ZFHX3: variants seen among roughly 807,000 people sequenced by gnomAD.
ZFHX3 encodes the protein zinc finger homeobox 3, also known as zinc finger homeobox protein 3.
ZFHX3 carries 42 observed loss-of-function variants against 279.1 expected under a neutral mutation model. The ratio of observed to expected loss-of-function variants is 0.15; its 90% CI spans 0.12 to 0.19. The LOEUF (loss-of-function observed/expected upper bound fraction) is 0.19. Among genes scored for constraint, ZFHX3 ranks in the 10% least tolerant of loss-of-function variants. ZFHX3 has a pLI of 1.00. For synonymous variants in ZFHX3, 2,293 were observed against 1,957.8 expected, an observed-to-expected ratio of 1.17 and a Z score of -4.52; for missense variants, 4,981 against 4,754.0, an observed-to-expected ratio of 1.05 and a Z score of -1.40.
At chr16:73,308,738 T>G (rs184993149) in intron 4 of ZFHX3, among the ~76,000 whole-genome samples, 1 of 152,190 alleles carries the variant, frequency 6.6e-6, no homozygotes, top group Admixed American at 6.5e-5. Flanking sequence ...GAACCATTTT[T>G]GAGAAGACAT....
chr16:73,547,619 G>C (rs1428653084), intron 2 of ZFHX3, among the ~76,000 whole-genome samples: 2 of 152,098 alleles, frequency 1.3e-5, no homozygotes, highest in African/African-American at 4.8e-5. Context: ...ATGGTGAGTA[G>C]GGCTTGATTT....
At chr16:72,906,810 C>A (rs139760489) in intron 3 of ZFHX3, among the ~76,000 whole-genome samples, 1 of 151,992 alleles carries the variant, frequency 6.6e-6, no homozygotes, top group Non-Finnish European at 1.5e-5. Flanking sequence ...CCCCTTCCCC[C>A]CCTCAAAAAA....
chr16:73,296,388 G>A (rs1376280679), intron 4 of ZFHX3, among the ~76,000 whole-genome samples: 1 of 152,174 alleles, frequency 6.6e-6, no homozygotes, highest in African/African-American at 2.4e-5. Flanking sequence ...TACCCTTGAT[G>A]TGGGGAATGA....
chr16:73,132,361 TG>T (rs1355897926), intron 6 of ZFHX3, among the ~76,000 whole-genome samples: 1 of 152,186 alleles, frequency 6.6e-6, no homozygotes, highest in Non-Finnish European at 1.5e-5. Context: ...TGTGCCTCCC[TG>T]GAGAAAACTT....
At chr16:73,793,689 T>C (rs1284901769) in intron 1 of ZFHX3, among the ~76,000 whole-genome samples, 1 of 152,212 alleles carries the variant, frequency 6.6e-6, no homozygotes, top group Non-Finnish European at 1.5e-5. Context: ...ATACAGCATC[T>C]ATTTTTTTTT....
intron 1 of ZFHX3, among the ~76,000 whole-genome samples, chr16:73,707,745 A>G (rs2053318953): frequency 9.6e-6 from 1 of 103,734 alleles, no homozygotes; most frequent in Non-Finnish European, 2.5e-5. Flanking sequence ...TATAATAATA[A>G]TAAAATTTAA....
intron 2 of ZFHX3, among the ~76,000 whole-genome samples, chr16:73,617,222 G>T (rs1281320272): frequency 6.6e-6 from 1 of 152,134 alleles, no homozygotes; most frequent in Non-Finnish European, 1.5e-5. Context: ...TTGATATGAC[G>T]GGCTGCTTAT....
chr16:73,111,323 T>C (rs1163780401), intron 7 of ZFHX3, among the ~76,000 whole-genome samples: 3 of 152,166 alleles, frequency 2.0e-5, no homozygotes, highest in African/African-American at 4.8e-5. Flanking sequence ...GCTAGTGAAA[T>C]TAAAAATAAA....
chr16:73,162,225 C>T (rs572377073), intron 5 of ZFHX3, among the ~76,000 whole-genome samples: 9 of 152,294 alleles, frequency 5.9e-5, no homozygotes, highest in South Asian at 2.1e-4. Context: ...CTTTCATTAC[C>T]GCCTGAGCTC....
chr16:73,347,089 G>T lies in ZFHX3; in HGVS notation c.-1290-28753C>A, dbSNP rs866923532. Reference sequence around the variant, plus strand: ...CCCAGATTCAAATCTAGGTCTCTGTGATGCCAGAGCCATATAGAAGACACA... The same window carrying T: ...CCCAGATTCAAATCTAGGTCTCTGTTATGCCAGAGCCATATAGAAGACACA... On this transcript the variant is annotated intron_variant, in intron 3 of 17. Coordinates refer to the ZFHX3 transcript ENST00000641206. 3.9e-5 allele frequency among the ~76,000 whole-genome samples: 6 copies of T among 152,290 alleles called. No homozygotes were observed. The South Asian group carries it at 8.3e-4, about 21-fold the overall frequency.
At chr16:73,696,901 T>G (rs1304724046) in intron 1 of ZFHX3, among the ~76,000 whole-genome samples, 3 of 152,170 alleles carry the variant, frequency 2.0e-5, no homozygotes, top group Non-Finnish European at 4.4e-5. Context: ...CAAGCTTAAA[T>G]TATATAACAA....
chr16:73,755,639 A>T (rs2053801497), intron 1 of ZFHX3, among the ~76,000 whole-genome samples: 1 of 152,166 alleles, frequency 6.6e-6, no homozygotes, highest in African/African-American at 2.4e-5. Context: ...TCAACTGGGA[A>T]TTGTCCTGAC....
At chr16:73,687,382 C>CA (rs759576667) in intron 1 of ZFHX3, among the ~76,000 whole-genome samples, 124 of 130,444 alleles carry the variant, frequency 9.5e-4, no homozygotes, top group East Asian at 2.7e-3. Context: ...GACCCTGTCT[C>CA]AAAAAAAAAA....
At chr16:73,840,546 G>A (rs186059458) in intron 1 of ZFHX3, among the ~76,000 whole-genome samples, 3 of 152,126 alleles carry the variant, frequency 2.0e-5, no homozygotes, top group African/African-American at 4.8e-5. Context: ...GAACCTTCTA[G>A]TACCATGGTC....
At chr16:73,235,747 A>C (rs987762567) in intron 5 of ZFHX3, among the ~76,000 whole-genome samples, 1 of 151,956 alleles carries the variant, frequency 6.6e-6, no homozygotes, top group African/African-American at 2.4e-5. Context: ...ATCATGGCTC[A>C]CTGCAGCCTT....
At chr16:72,948,614 C>T (rs190863644) in intron 3 of ZFHX3, among the ~76,000 whole-genome samples, 1 of 152,206 alleles carries the variant, frequency 6.6e-6, no homozygotes, top group African/African-American at 2.4e-5. Context: ...TCCAGCCGCA[C>T]GGAGGATGCA....
At chr16:73,335,856 G>T (rs1172129427) in intron 3 of ZFHX3, among the ~76,000 whole-genome samples, 1 of 152,170 alleles carries the variant, frequency 6.6e-6, no homozygotes, top group African/African-American at 2.4e-5. Flanking sequence ...TATTCTATTT[G>T]TCCTCAGCAG....
At position 72,787,108 on chromosome 16, in the gene ZFHX3, TTTG is replaced by T. The variant is rs1477974327; in HGVS notation, c.*53_*55del. The stretch of plus-strand genomic sequence containing the variant: ...GCAGTTAGTCTATTTTTGAAATTGG[TTTG>T]TTATTAATTTTTGTATTTAAATTCA... On this transcript the variant is annotated 3_prime_UTR_variant, in exon 10 of 10. Coordinates refer to ENST00000268489, the MANE Select transcript of ZFHX3 (RefSeq NM_006885.4). 6 of 1,321,670 alleles carry T rather than the reference TTTG, an allele frequency of 4.5e-6. No individual in the cohort carries two copies. The East Asian group carries it at 8.4e-5, about 19-fold the overall frequency. The allele number at this position is 1,321,670 out of a possible 1,614,324, so 81.9% of individuals were successfully genotyped here.
intron 5 of ZFHX3, among the ~76,000 whole-genome samples, chr16:73,247,124 G>A (rs2013305665): frequency 6.6e-6 from 1 of 152,070 alleles, no homozygotes; most frequent in South Asian, 2.1e-4. Flanking sequence ...CTATGTGCCT[G>A]TATGTGGAGT....
Sources: allele counts gnomAD v4.1 joint callset (sites outside exome capture counted in the v4.1 genomes callset), GRCh38; gene constraint gnomAD v4.1.1; transcripts MANE v1.5; gene names NCBI Gene and HGNC (gene_info 2026-07-23, HGNC 2026-07-21).